The following AP3S1 variants were observed in gnomAD, a reference collection of about 807,000 sequenced individuals.
AP3S1 encodes adaptor related protein complex 3 subunit sigma 1.
In AP3S1, 12 loss-of-function variants were observed where a neutral mutation model predicts 21.3. The observed-to-expected ratio is 0.56, with a 90% CI of 0.36 to 0.91. The LOEUF is 0.91. Ranked by LOEUF, AP3S1 falls within the 40% of genes least tolerant of loss-of-function variation. The probability of loss-of-function intolerance (pLI) is 0.01; values close to 1 mark genes in which losing one functional copy is unlikely to be tolerated. For synonymous variants in AP3S1, 48 were observed against 78.4 expected (o/e 0.61, Z 2.05); for missense variants, 116 against 225.0 (o/e 0.52, Z 3.10).
intron 1 of AP3S1, among the ~76,000 whole-genome samples, chr5:115,865,289 C>A (rs1158471685): frequency 6.6e-6 from 1 of 152,074 alleles, no homozygotes; most frequent in African/African-American, 2.4e-5. Flanking sequence ...ATTTTCTTTT[C>A]TCTAGCTTAC....
chr5:115,881,107 G>A (rs903050712), intron 3 of AP3S1, among the ~76,000 whole-genome samples: 41 of 152,070 alleles, frequency 2.7e-4, no homozygotes, highest in African/African-American at 9.2e-4. Flanking sequence ...GCACGTGAAG[G>A]GGTCTTCTGA....
chr5:115,849,576 A>G (rs1762290309), intron 1 of AP3S1, among the ~76,000 whole-genome samples: 1 of 152,166 alleles, frequency 6.6e-6, no homozygotes, highest in African/African-American at 2.4e-5. Flanking sequence ...CAGTTTGATG[A>G]CATCATGCCC....
chr5:115,860,576 G>A (rs918027227), intron 1 of AP3S1, among the ~76,000 whole-genome samples: 2 of 152,136 alleles, frequency 1.3e-5, no homozygotes, highest in African/African-American at 2.4e-5. Context: ...CCAGACATAT[G>A]TAAAAGCACC....
chr5:115,865,496 T>C (rs1200531155), intron 1 of AP3S1, among the ~76,000 whole-genome samples: 4 of 152,168 alleles, frequency 2.6e-5, no homozygotes, highest in African/African-American at 9.7e-5. Context: ...TAGATTAGTA[T>C]CTAGGAGAGA....
intron 4 of AP3S1, among the ~76,000 whole-genome samples, chr5:115,901,727 T>A (rs1260804318): frequency 6.6e-6 from 1 of 152,094 alleles, no homozygotes; most frequent in Non-Finnish European, 1.5e-5. Context: ...GCTAATTGTC[T>A]GCATTTTTTG....
intron 4 of AP3S1, among the ~76,000 whole-genome samples, chr5:115,895,964 A>G (rs1219429382): frequency 6.6e-6 from 1 of 152,194 alleles, no homozygotes; most frequent in East Asian, 1.9e-4. Context: ...GTGATACGGA[A>G]CTTAGGAGGA....
At chr5:115,842,238 G>A (rs1181350954) in intron 1 of AP3S1, 132 bp downstream of exon 1, 2 of 1,339,000 alleles carry the variant, frequency 1.5e-6, no homozygotes, top group East Asian at 3.0e-5. Flanking sequence ...CCTGGCGCTC[G>A]CCAGCTGTCA....
chr5:115,873,794 A>G (rs925534234), intron 3 of AP3S1, among the ~76,000 whole-genome samples: 5 of 152,268 alleles, frequency 3.3e-5, no homozygotes, highest in Non-Finnish European at 5.9e-5. Context: ...TAAAAGTGGA[A>G]AATTATAAAC....
intron 1 of AP3S1, among the ~76,000 whole-genome samples, chr5:115,865,908 C>G (rs933554772): frequency 2.0e-5 from 3 of 152,186 alleles, no homozygotes; most frequent in Admixed American, 6.5e-5. Flanking sequence ...AAGCGATTCT[C>G]CTGCTTCAGC....
chr5:115,901,718 C>T (rs1010309951), intron 4 of AP3S1, among the ~76,000 whole-genome samples: 1 of 151,968 alleles, frequency 6.6e-6, no homozygotes, highest in African/African-American at 2.4e-5. Context: ...CTATGCCTGG[C>T]TAATTGTCTG....
chr5:115,909,650 C>A (rs1360599800), intron 5 of AP3S1, among the ~76,000 whole-genome samples: 1 of 152,138 alleles, frequency 6.6e-6, no homozygotes, highest in Non-Finnish European at 1.5e-5. Flanking sequence ...CAAGTTATTT[C>A]TCCAGTAGAA....
At chr5:115,906,404 G>GA (rs1751656191) in intron 5 of AP3S1, among the ~76,000 whole-genome samples, 1 of 152,078 alleles carries the variant, frequency 6.6e-6, no homozygotes, top group Non-Finnish European at 1.5e-5. Flanking sequence ...TCTGGTAATG[G>GA]AAAAAAGTGA....
intron 5 of AP3S1, among the ~76,000 whole-genome samples, chr5:115,913,010 A>C (rs926950347): frequency 6.6e-6 from 1 of 152,180 alleles, no homozygotes; most frequent in African/African-American, 2.4e-5. Flanking sequence ...AGAGATATTT[A>C]ATAAGGAAAC....
In AP3S1 at chr5:115,913,758, CTA is replaced by C. The variant is rs1752295690; in HGVS notation, c.*270_*271del. The C allele has an allele frequency of 2.2e-6, 1 of 455,696 alleles. No homozygotes were observed. The highest frequency in any genetic ancestry group is 2.0e-5 in the African/African-American group (1 of 50,450). The allele number at this position is 455,696 out of a possible 1,614,324, so 28.2% of individuals were successfully genotyped here. ...TCCTGTGCCCACCTACGGCATGCCT[CTA>C]TGTATTGGCTACTACAGTGTTTTAA... is the stretch of plus-strand genomic sequence containing the variant. On this transcript the variant is annotated 3_prime_UTR_variant, in exon 6 of 6. Coordinates refer to ENST00000316788, the MANE Select transcript of AP3S1 (RefSeq NM_001284.4).
chr5:115,873,092 C>T (rs1171597585), intron 3 of AP3S1, among the ~76,000 whole-genome samples: 2 of 152,066 alleles, frequency 1.3e-5, no homozygotes, highest in African/African-American at 4.8e-5. Flanking sequence ...GTGTCTTTTC[C>T]TAGAGGTAAA....
chr5:115,910,266 A>G (rs1201894951), intron 5 of AP3S1, among the ~76,000 whole-genome samples: 1 of 72,902 alleles, frequency 1.4e-5, no homozygotes, highest in Non-Finnish European at 2.6e-5. Context: ...CCTGTCTCTT[A>G]AAAAAAAAAA....
intron 5 of AP3S1, among the ~76,000 whole-genome samples, chr5:115,911,241 T>C (rs1752080940): frequency 6.6e-6 from 1 of 152,076 alleles, no homozygotes; most frequent in Non-Finnish European, 1.5e-5. Context: ...CAGGATATTA[T>C]GGAAAAGAGA....
intron 5 of AP3S1, among the ~76,000 whole-genome samples, chr5:115,908,409 C>G (rs796240993): frequency 6.6e-6 from 1 of 152,214 alleles, no homozygotes; most frequent in African/African-American, 2.4e-5. Context: ...AAAAGTGGCT[C>G]TAAGGTACTG....
At chr5:115,884,671 AT>A (rs993801404) in intron 3 of AP3S1, among the ~76,000 whole-genome samples, 183 of 152,228 alleles carry the variant, frequency 1.2e-3, no homozygotes, top group Admixed American at 3.9e-3. Context: ...ACAATACCAC[AT>A]TTTTTAAGGC....
Sources: allele counts gnomAD v4.1 joint callset (sites outside exome capture counted in the v4.1 genomes callset), GRCh38; gene constraint gnomAD v4.1.1; transcripts MANE v1.5; gene names NCBI Gene and HGNC (gene_info 2026-07-23, HGNC 2026-07-21).